Variants in DPP10 observed in about 807,000 individuals in gnomAD.
DPP10 encodes inactive dipeptidyl peptidase 10.
DPP10 carries 33 observed loss-of-function variants against 120.9 expected under a neutral mutation model. That is an observed-to-expected ratio of 0.27 (90% CI 0.21 to 0.37). The LOEUF (loss-of-function observed/expected upper bound fraction) is 0.37, where lower values mean the gene tolerates loss of function less well. Among genes scored for constraint, DPP10 ranks in the 10% least tolerant of loss-of-function variants. DPP10 has a pLI of 1.00. For synonymous variants in DPP10, 337 were observed against 326.1 expected (o/e 1.03, Z -0.36); for missense variants, 816 against 942.8 (o/e 0.87, Z 1.76).
chr2:115,544,724 A>C (rs984211257), intron 5 of DPP10, among the ~76,000 whole-genome samples: 2 of 152,056 alleles, frequency 1.3e-5, no homozygotes, highest in Non-Finnish European at 2.9e-5. Context: ...GCAACATAAC[A>C]TATGGCATTC....
At chr2:114,821,694 T>C (rs765319710) in intron 1 of DPP10, among the ~76,000 whole-genome samples, 2 of 152,148 alleles carry the variant, frequency 1.3e-5, no homozygotes, top group East Asian at 1.9e-4. Flanking sequence ...ATTGGTTAAA[T>C]ACATCCTTTC....
At chr2:115,090,093 T>C (rs984084456) in intron 1 of DPP10, among the ~76,000 whole-genome samples, 3 of 152,192 alleles carry the variant, frequency 2.0e-5, no homozygotes, top group African/African-American at 7.2e-5. Flanking sequence ...GATCCACAAT[T>C]ATTCCCTTTT....
intron 1 of DPP10, among the ~76,000 whole-genome samples, chr2:115,183,917 C>G (rs1435806180): frequency 6.6e-6 from 1 of 152,058 alleles, no homozygotes; most frequent in Non-Finnish European, 1.5e-5. Context: ...ATGGGGGCCT[C>G]TAAAAGTGTC....
intron 1 of DPP10, among the ~76,000 whole-genome samples, chr2:114,705,736 C>A (rs141331579): frequency 2.8e-4 from 43 of 152,140 alleles, no homozygotes; most frequent in African/African-American, 9.6e-4. Flanking sequence ...GAGAGTATAC[C>A]AGCTAGGATG....
chr2:114,700,280 A>G (rs921167317), intron 1 of DPP10, among the ~76,000 whole-genome samples: 6 of 152,106 alleles, frequency 3.9e-5, no homozygotes, highest in Admixed American at 2.0e-4. Context: ...CCCTGTCCCA[A>G]TGGCTGTATC....
chr2:115,478,192 T>G (rs574414795), intron 3 of DPP10, among the ~76,000 whole-genome samples: 23 of 152,274 alleles, frequency 1.5e-4, no homozygotes, highest in African/African-American at 5.3e-4. Flanking sequence ...AAACCACATC[T>G]ATTGGCATAA....
At chr2:114,723,965 C>A (rs546344618) in intron 1 of DPP10, among the ~76,000 whole-genome samples, 1 of 151,978 alleles carries the variant, frequency 6.6e-6, no homozygotes, top group Non-Finnish European at 1.5e-5. Flanking sequence ...ATAGGCCCAA[C>A]AAAAGTAATG....
intron 1 of DPP10, among the ~76,000 whole-genome samples, chr2:114,744,128 C>G (rs1391072702): frequency 1.3e-5 from 2 of 152,096 alleles, no homozygotes; most frequent in East Asian, 3.9e-4. Context: ...TGTAAAGTTC[C>G]TGATTCGGTT....
chr2:114,573,517 A>G (rs1689816542), intron 1 of DPP10, among the ~76,000 whole-genome samples: 1 of 152,184 alleles, frequency 6.6e-6, no homozygotes, highest in Admixed American at 6.5e-5. Context: ...TACAAGGAAA[A>G]GAGAAAGATA....
At chr2:115,376,507 C>A (rs190822600) in intron 3 of DPP10, among the ~76,000 whole-genome samples, 1 of 150,862 alleles carries the variant, frequency 6.6e-6, no homozygotes, top group Non-Finnish European at 1.5e-5. Flanking sequence ...CCAGTGGACA[C>A]TTGTTGATTC....
At chr2:114,583,236 G>A (rs1690685992) in intron 1 of DPP10, among the ~76,000 whole-genome samples, 1 of 152,112 alleles carries the variant, frequency 6.6e-6, no homozygotes, top group African/African-American at 2.4e-5. Flanking sequence ...TCAAAATAAT[G>A]CTTATATTCT....
At chr2:114,450,498 T>G (rs553614903) in intron 1 of DPP10, among the ~76,000 whole-genome samples, 2 of 152,110 alleles carry the variant, frequency 1.3e-5, no homozygotes, top group Non-Finnish European at 1.5e-5. Flanking sequence ...CAATTAATAT[T>G]GTTTAAATAA....
chr2:115,657,491 T>C (rs899117555), intron 5 of DPP10, among the ~76,000 whole-genome samples: 10 of 151,852 alleles, frequency 6.6e-5, no homozygotes, highest in South Asian at 2.1e-4. Context: ...ATCTTTCTTT[T>C]ATTGATCTCT....
chr2:115,243,034 TACAC>T (rs1325101522), intron 1 of DPP10, among the ~76,000 whole-genome samples: 2 of 149,728 alleles, frequency 1.3e-5, no homozygotes, highest in African/African-American at 2.4e-5. Flanking sequence ...AACACACACA[TACAC>T]ACACGTGTGC....
At chr2:114,781,748 C>T (rs991418249) in intron 1 of DPP10, among the ~76,000 whole-genome samples, 4 of 151,976 alleles carry the variant, frequency 2.6e-5, no homozygotes, top group East Asian at 1.9e-4. Flanking sequence ...GGCCAAGCCT[C>T]GTGATCTCAG....
chr2:114,463,642 C>T (rs1679113049), intron 1 of DPP10, among the ~76,000 whole-genome samples: 1 of 152,172 alleles, frequency 6.6e-6, no homozygotes, highest in Admixed American at 6.5e-5. Context: ...ATCTCTTAAT[C>T]TACTAGTTAT....
intron 1 of DPP10, among the ~76,000 whole-genome samples, chr2:115,160,738 C>T (rs2052247023): frequency 6.6e-6 from 1 of 152,176 alleles, no homozygotes; most frequent in African/African-American, 2.4e-5. Flanking sequence ...GAACTGTGGA[C>T]TTTGTCTATC....
intron 1 of DPP10, among the ~76,000 whole-genome samples, chr2:114,477,895 A>G (rs111411127): frequency 0.056 from 8,369 of 148,748 alleles, 782 homozygotes; most frequent in African/African-American, 0.2. Context: ...ATATGTACAT[A>G]TGTGTATATA....
intron 5 of DPP10, among the ~76,000 whole-genome samples, chr2:115,676,872 C>A (rs2090306642): frequency 6.6e-6 from 1 of 152,104 alleles, no homozygotes; most frequent in Non-Finnish European, 1.5e-5. Context: ...CAAAAATGTC[C>A]TCTCTGAAGT....
Sources: allele counts gnomAD v4.1 joint callset (sites outside exome capture counted in the v4.1 genomes callset), GRCh38; gene constraint gnomAD v4.1.1; transcripts MANE v1.5; gene names NCBI Gene and HGNC (gene_info 2026-07-23, HGNC 2026-07-21).